Variants in LTN1 observed in about 807,000 individuals in gnomAD.
LTN1 encodes E3 ubiquitin-protein ligase listerin.
In LTN1, 88 loss-of-function variants were observed where a neutral mutation model predicts 201.2. The observed-to-expected ratio is 0.44, with a 90% CI of 0.37 to 0.52. LTN1 has a LOEUF of 0.52. Among genes scored for constraint, LTN1 ranks in the 20% least tolerant of loss-of-function variants. LTN1 has a pLI of 0.00. For missense variants in LTN1, 1,752 were observed against 2,038.7 expected (o/e 0.86, Z 2.71); for synonymous variants, 645 against 713.5 (o/e 0.90, Z 1.53).
rs778791674 is a variant in LTN1 at position 28,970,634 on chromosome 21, G to A, written c.1093C>T (p.Pro365Ser). The A allele has an allele frequency of 7.4e-6, 12 of 1,613,652 alleles. No individual in the cohort carries two copies. Among genetic ancestry groups the A allele is most frequent in the Middle Eastern group, 3.3e-4 (2 of 6,080 alleles). ...LATVIYPYLLPFISKLPQSIT... is the reference protein window; with the variant it reads ...LATVIYPYLLSFISKLPQSIT... ...GACTGAGGGAGCTTGCTGATGAATG[G>A]CAGAAGGTAAGGATATATGACAGTA... Residue 365 changes from proline (P) to serine (S), a missense_variant, in exon 8 of 30, where the codon CCA becomes TCA. Transcript: ENST00000361371.
chr21:28,940,283 T>G (rs957980144), intron 25 of LTN1, among the ~76,000 whole-genome samples: 2 of 152,202 alleles, frequency 1.3e-5, no homozygotes, highest in African/African-American at 4.8e-5. Context: ...CGGCTCAAAC[T>G]ATCTTCAAGT....
rs1327947063 is a variant in LTN1 at position 28,967,197 on chromosome 21, A to G, written c.1312-18T>C. The G allele has an allele frequency of 2.6e-6, 4 of 1,542,208 alleles. No homozygotes were observed. The highest frequency in any genetic ancestry group is 2.6e-6 in the Non-Finnish European group (3 of 1,132,270). On this transcript the variant is annotated intron_variant, in intron 9 of 29. Transcript: ENST00000361371. ...GGGATCAACTGAAAGAAAAGGTAGA[A>G]TATCATAAAATATATATTTGGTCTT...
At position 28,959,463 on chromosome 21, in the gene LTN1, A is replaced by C. The variant is rs1485819590; in HGVS notation, c.2588T>G (p.Leu863Trp). The C allele has an allele frequency of 6.2e-7, 1 of 1,612,396 alleles. No homozygotes were observed. The highest frequency in any genetic ancestry group is 1.1e-5 in the South Asian group (1 of 90,846). ...LCAQSKEKTH[L>W]PDFLICKLKN... ...TTTGAGCAGTAGGCTATTACCTGGC[A>C]AATGTGTTTTTTCTTTGCTCTGAGC... is the stretch of plus-strand genomic sequence containing the variant. The change falls in exon 13 of 30, where the codon TTG becomes TGG. Residue 863 changes from leucine to tryptophan, a missense_variant. By Grantham distance (61) the Leu-to-Trp change is moderately conservative. Transcript: ENST00000361371.
chr21:28,946,125 A>G, intron 20 of LTN1, 27 bp downstream of exon 20: 1 of 1,553,360 alleles, frequency 6.4e-7, no homozygotes, highest in South Asian at 1.2e-5. Flanking sequence ...ATACTGAAGG[A>G]AAAACATAGT....
chr21:28,986,886 T>G lies in LTN1; in HGVS notation c.91A>C (p.Thr31Pro). Residue 31 changes from threonine to proline, a missense_variant, in exon 2 of 30, where the codon ACA becomes CCA. By Grantham distance (38) the Thr-to-Pro change is conservative. Around this residue, in one of 3 missense-constraint regions of LTN1, gnomAD observed 280 missense variants for 375.7 expected, o/e 0.75. Transcript: ENST00000361371. The surrounding 1 kb of genome is among the most constrained non-coding windows in gnomAD (Gnocchi z 4.1). ...AAELLAKEQG[T>P]VPGFIGFGTS... The stretch of plus-strand genomic sequence containing the variant: ...CCAAAACCAATAAATCCAGGCACTG[T>G]TCCCTGTTCTTTGGCAAGGAGTTCT... 1 of 1,614,138 alleles carries G rather than the reference T, an allele frequency of 6.2e-7. No individual in the cohort carries two copies.
At chr21:28,976,524 C>G (rs1216877117) in intron 6 of LTN1, among the ~76,000 whole-genome samples, 1 of 149,156 alleles carries the variant, frequency 6.7e-6, no homozygotes, top group African/African-American at 2.5e-5. Context: ...CACTTGAACC[C>G]AAGAGGCAGA....
chr21:28,931,165 G>A lies in LTN1; in HGVS notation c.5228C>T (p.Ser1743Leu). The A allele has an allele frequency of 6.2e-7, 1 of 1,609,584 alleles. No individual in the cohort carries two copies. Among genetic ancestry groups the A allele is most frequent in the Non-Finnish European group, 8.5e-7 (1 of 1,178,274 alleles). ...ACRTCKKKFH[S>L]ACLYKWFTSS... Reference sequence around the variant, plus strand: ...TCTCTTTAGACTTACCAAGCAGGCTGAATGGAATTTTTTCTTGCATGTTCT... The same window carrying A: ...TCTCTTTAGACTTACCAAGCAGGCTAAATGGAATTTTTTCTTGCATGTTCT... Residue 1743 changes from serine (S) to leucine (L), a missense_variant, in exon 29 of 30, where the codon TCA becomes TTA. Transcript: ENST00000361371.
chr21:28,976,429 GTC>G (rs2084615540), intron 6 of LTN1, among the ~76,000 whole-genome samples: 1 of 152,016 alleles, frequency 6.6e-6, no homozygotes, highest in African/African-American at 2.4e-5. Flanking sequence ...GTGAGACCCT[GTC>G]TCTACTAAAA....
In LTN1 at chr21:28,935,312, A is replaced by G; in HGVS notation, c.4672T>C (p.Tyr1558His). 6.2e-7 allele frequency: 1 copy of G among 1,613,126 alleles called. No individual in the cohort carries two copies. The change falls in exon 27 of 30, where the codon TAC (tyrosine) becomes CAC (histidine). Residue 1558 changes from tyrosine to histidine, a missense_variant. Coordinates refer to ENST00000361371, the MANE Select transcript of LTN1 (RefSeq NM_015565.3). ...LSIRETTMLP[Y>H]HIPHLACSVY... ...GAACAAGCCAAGTGTGGAATGTGGT[A>G]TGGAAGCATTGTTGTTTCTGAGGAA... is the stretch of plus-strand genomic sequence containing the variant.
chr21:28,955,715 G>C (rs939176879), intron 16 of LTN1, among the ~76,000 whole-genome samples: 3 of 151,868 alleles, frequency 2.0e-5, no homozygotes, highest in Non-Finnish European at 4.4e-5. Flanking sequence ...ACGAGGTCAG[G>C]AGTTCAAGAC....
chr21:28,971,418 G>A lies in LTN1; in HGVS notation c.837C>T (p.Val279=), dbSNP rs2084573888. The change falls in exon 7 of 30, where the codon GTC becomes GTT. Residue 279 remains valine, a synonymous_variant. Coordinates refer to ENST00000361371, the MANE Select transcript of LTN1 (RefSeq NM_015565.3). The part of the protein sequence containing the change: ...PQIRSAYFEL[V]SALCQRIPQL... ...GTGGAATGCGCTGGCACAATGCAGA[G>A]ACTAACTCAAAATAAGCTGAGCGAA... 12 of 1,613,878 alleles carry A rather than the reference G, an allele frequency of 7.4e-6. No homozygotes were observed. The highest frequency in any genetic ancestry group is 1.0e-5 in the Non-Finnish European group (12 of 1,179,896).
At chr21:28,944,858 A>T (rs780016795) in intron 21 of LTN1, among the ~76,000 whole-genome samples, 3 of 152,196 alleles carry the variant, frequency 2.0e-5, no homozygotes, top group Non-Finnish European at 4.4e-5. Context: ...AGGAAACACT[A>T]AGTCAGACAC....
At chr21:28,956,734 T>G in intron 16 of LTN1, 28 bp downstream of exon 16, 1 of 1,213,604 alleles carries the variant, frequency 8.2e-7, no homozygotes, top group Non-Finnish European at 1.1e-6. Flanking sequence ...ATGCATTATG[T>G]TATATGTAAA....
intron 16 of LTN1, among the ~76,000 whole-genome samples, chr21:28,954,035 A>G (rs1385659995): frequency 1.3e-5 from 2 of 152,332 alleles, no homozygotes; most frequent in Non-Finnish European, 2.9e-5. Flanking sequence ...CTAATCCTAC[A>G]CTTACCAGCT....
In LTN1 at chr21:28,953,432, ATTAC is replaced by A. The variant is rs2146281309; in HGVS notation, c.3080-60_3080-57del. On this transcript the variant is annotated intron_variant, in intron 16 of 29. Coordinates refer to ENST00000361371, the MANE Select transcript of LTN1 (RefSeq NM_015565.3). ...AAGCACTCTGTGAACAAACCCTTCA[ATTAC>A]TTTCACTTCTCCACCTTGTTTTCTA... 2.3e-6 allele frequency: 3 copies of A among 1,311,496 alleles called. No homozygotes were observed. In the East Asian group the frequency reaches 7.5e-5, roughly 33 times the overall value. 81.2% of individuals were successfully genotyped at this position (1,311,496 alleles called of 1,614,324 possible).
rs2084470468 is a variant in LTN1 at position 28,960,715 on chromosome 21, A to G, written c.2164-9T>C. ...TCTGAACTAGGACATGCCTAAAACCATAAAATTAAAGCAAAGATTAACAGC... is the reference window on the plus strand; with the variant it reads ...TCTGAACTAGGACATGCCTAAAACCGTAAAATTAAAGCAAAGATTAACAGC... On this transcript the variant is annotated splice_polypyrimidine_tract_variant and intron_variant, in intron 11 of 29. Coordinates refer to ENST00000361371, the MANE Select transcript of LTN1 (RefSeq NM_015565.3). 6.3e-7 allele frequency: 1 copy of G among 1,598,306 alleles called. No individual in the cohort carries two copies. Among genetic ancestry groups the G allele is most frequent in the Non-Finnish European group, 8.6e-7 (1 of 1,169,130 alleles).
At position 28,956,783 on chromosome 21, in the gene LTN1, T is replaced by A. The variant is rs1389426986; in HGVS notation, c.3058A>T (p.Asn1020Tyr). ...IALRKETVLE[N>Y]NELEKIIAEL... ...TTACTTATTTTCTCAAGCTCATTAT[T>A]TTCTAAGACTGTTTCCTTTCTCAGT... The change falls in exon 16 of 30, where the codon AAT becomes TAT. Residue 1020 changes from asparagine (N) to tyrosine (Y), a missense_variant. Around this residue, in one of 3 missense-constraint regions of LTN1, gnomAD observed 1,211 missense variants for 1,312.8 expected, o/e 0.92. Transcript: ENST00000361371. The A allele has an allele frequency of 6.3e-7, 1 of 1,598,798 alleles. No individual in the cohort carries two copies. The highest frequency in any genetic ancestry group is 2.2e-5 in the East Asian group (1 of 44,580).
At chr21:28,933,762 C>T (rs1187500133) in intron 27 of LTN1, among the ~76,000 whole-genome samples, 1 of 151,544 alleles carries the variant, frequency 6.6e-6, no homozygotes, top group African/African-American at 2.4e-5. Flanking sequence ...CCACAACCTC[C>T]GCCTCCCGGG....
At chr21:28,946,094 C>A in intron 20 of LTN1, 58 bp downstream of exon 20, 1 of 1,489,072 alleles carries the variant, frequency 6.7e-7, no homozygotes, top group African/African-American at 1.4e-5. Flanking sequence ...GACACAGATA[C>A]GTAATCTTTG....
Sources: gnomAD v4.1 joint callset for allele counts (sites outside exome capture counted in the v4.1 genomes callset) on GRCh38, gnomAD v4.1.1 for gene constraint, gnomAD v4.1.1 regional missense constraint, Gnocchi (gnomAD v3.1) non-coding constraint, MANE v1.5 for transcripts, NCBI Gene and HGNC (gene_info 2026-07-23, HGNC 2026-07-21) for gene names.